The following DLG2 variants were observed in gnomAD, a reference collection of about 807,000 sequenced individuals.
The protein encoded by DLG2 is disks large homolog 2.
A neutral mutation model predicts 132.5 loss-of-function variants in DLG2; 45 were observed. The ratio of observed to expected loss-of-function variants is 0.34; its 90% CI spans 0.27 to 0.44. The LOEUF is 0.44. Ranked by LOEUF, DLG2 falls within the 20% of genes least tolerant of loss-of-function variation. The probability of loss-of-function intolerance (pLI) is 1.00; values close to 1 mark genes in which losing one functional copy is unlikely to be tolerated. For synonymous variants in DLG2, 424 were observed against 419.6 expected (o/e 1.01, Z -0.13); for missense variants, 1,045 against 1,196.9 (o/e 0.87, Z 1.87).
chr11:83,745,961 AC>A, intron 18 of DLG2, among the ~76,000 whole-genome samples: 1 of 152,350 alleles, frequency 6.6e-6, no homozygotes, highest in African/African-American at 2.4e-5. Flanking sequence ...TATGCAGCCA[AC>A]AGACACATGA....
intron 18 of DLG2, among the ~76,000 whole-genome samples, chr11:83,745,010 A>C (rs572649925): frequency 6.6e-6 from 1 of 152,318 alleles, no homozygotes; most frequent in South Asian, 2.1e-4. Context: ...GGATGCTGCA[A>C]TACTCATACC....
At chr11:85,082,294 A>G (rs1327497609) in intron 6 of DLG2, among the ~76,000 whole-genome samples, 1 of 152,194 alleles carries the variant, frequency 6.6e-6, no homozygotes, top group African/African-American at 2.4e-5. Flanking sequence ...GCTTCAGGCA[A>G]TAACAACAGA....
chr11:84,748,471 T>C (rs1408914928), intron 6 of DLG2, among the ~76,000 whole-genome samples: 1 of 152,188 alleles, frequency 6.6e-6, no homozygotes, highest in Non-Finnish European at 1.5e-5. Flanking sequence ...TTCCTTTCTC[T>C]TGAGATATGG....
chr11:84,791,170 G>A (rs2073792522), intron 6 of DLG2, among the ~76,000 whole-genome samples: 2 of 152,058 alleles, frequency 1.3e-5, no homozygotes, highest in Admixed American at 6.6e-5. Flanking sequence ...TCACTATCCG[G>A]ATAACAGCAT....
chr11:83,811,040 T>C (rs1489991092), intron 17 of DLG2, among the ~76,000 whole-genome samples: 1 of 152,016 alleles, frequency 6.6e-6, no homozygotes, highest in Non-Finnish European at 1.5e-5. Flanking sequence ...ATCTCTGAGG[T>C]AGTGTAATAG....
rs563307854 is a variant in DLG2 at position 83,987,822 on chromosome 11, T to C, written c.920-7180A>G. On this transcript the variant is annotated intron_variant, in intron 11 of 27. Coordinates refer to ENST00000376104, the MANE Select transcript of DLG2 (RefSeq NM_001142699.3). Reference sequence around the variant, plus strand: ...TTTTGACTTTTTAATAATAGCCATCTCTCTGGTGTGAGGTGATATCTCATT... The same window carrying C: ...TTTTGACTTTTTAATAATAGCCATCCCTCTGGTGTGAGGTGATATCTCATT... Among the ~76,000 whole-genome samples the C allele has an allele frequency of 2.3e-4, 35 of 152,254 alleles. No homozygotes were observed. The Middle Eastern group carries it at 0.024, about 104-fold the overall frequency.
chr11:85,434,949 A>G (rs1392288703), intron 3 of DLG2, among the ~76,000 whole-genome samples: 4 of 152,230 alleles, frequency 2.6e-5, no homozygotes, highest in Non-Finnish European at 5.9e-5. Flanking sequence ...CGAATCCAGC[A>G]GCAAATCAAA....
intron 8 of DLG2, among the ~76,000 whole-genome samples, chr11:84,164,709 T>C (rs1293445432): frequency 6.6e-6 from 1 of 152,236 alleles, no homozygotes; most frequent in Non-Finnish European, 1.5e-5. Context: ...TATCATCACC[T>C]AAAGGTGTAA....
intron 6 of DLG2, among the ~76,000 whole-genome samples, chr11:84,649,868 C>T (rs745724499): frequency 6.6e-6 from 1 of 152,184 alleles, no homozygotes; most frequent in Non-Finnish European, 1.5e-5. Flanking sequence ...TCCATCAACA[C>T]ATCTCCAAAC....
rs1474445909 is a variant in DLG2, at chr11:83,532,798, G to T, written c.2118-15C>A. ...TTCTTTCCACCCTAAAGCAAATTGAGAATAAAGAGTCTCTCACGTGACAAG... is the reference window on the plus strand; with the variant it reads ...TTCTTTCCACCCTAAAGCAAATTGATAATAAAGAGTCTCTCACGTGACAAG... On this transcript the variant is annotated splice_polypyrimidine_tract_variant and intron_variant, in intron 20 of 27. Transcript: ENST00000376104. The T allele has an allele frequency of 5.0e-6, 8 of 1,608,226 alleles. No homozygotes were observed. In the Middle Eastern group the frequency reaches 9.9e-4, roughly 199 times the overall value.
intron 10 of DLG2, among the ~76,000 whole-genome samples, chr11:84,093,236 G>A (rs1447464483): frequency 6.6e-6 from 1 of 152,016 alleles, no homozygotes; most frequent in Non-Finnish European, 1.5e-5. Context: ...CAAGGTTCAG[G>A]GTCTTCTTCC....
chr11:84,502,411 T>C (rs535500508), intron 7 of DLG2, among the ~76,000 whole-genome samples: 5 of 128,074 alleles, frequency 3.9e-5, no homozygotes, highest in African/African-American at 5.7e-5. Flanking sequence ...TCTTTCTTTC[T>C]TTCTATACAG....
intron 6 of DLG2, among the ~76,000 whole-genome samples, chr11:85,107,066 A>T (rs1258291394): frequency 6.6e-6 from 1 of 152,048 alleles, no homozygotes; most frequent in Admixed American, 6.6e-5. Flanking sequence ...GAGTTGACAT[A>T]TTCAGAATTC....
intron 5 of DLG2, among the ~76,000 whole-genome samples, chr11:85,139,668 A>C (rs1194741342): frequency 1.3e-5 from 2 of 152,022 alleles, no homozygotes; most frequent in Admixed American, 1.3e-4. Flanking sequence ...ATTTAGCATG[A>C]ATCCCATATA....
intron 15 of DLG2, among the ~76,000 whole-genome samples, chr11:83,883,117 C>T (rs1490334213): frequency 2.0e-5 from 3 of 152,162 alleles, no homozygotes; most frequent in South Asian, 2.1e-4. Context: ...ATCATTAGTA[C>T]AATCTTACAC....
At chr11:84,602,021 C>A (rs1263676529) in intron 6 of DLG2, among the ~76,000 whole-genome samples, 1 of 151,768 alleles carries the variant, frequency 6.6e-6, no homozygotes, top group Non-Finnish European at 1.5e-5. Flanking sequence ...TTTCAGAGGT[C>A]CATCAGATAA....
At chr11:84,389,268 C>T (rs1251236515) in intron 7 of DLG2, among the ~76,000 whole-genome samples, 1 of 151,966 alleles carries the variant, frequency 6.6e-6, no homozygotes, top group Non-Finnish European at 1.5e-5. Context: ...GGGTACTTTG[C>T]ACAGCCTTGT....
chr11:84,144,767 G>A (rs1238717451), intron 9 of DLG2, among the ~76,000 whole-genome samples: 1 of 151,756 alleles, frequency 6.6e-6, no homozygotes, highest in Non-Finnish European at 1.5e-5. Flanking sequence ...AGAACTGCTG[G>A]ACAATTCTGC....
intron 6 of DLG2, among the ~76,000 whole-genome samples, chr11:85,064,009 T>C (rs2064493736): frequency 6.6e-6 from 1 of 151,776 alleles, no homozygotes; most frequent in South Asian, 2.1e-4. Flanking sequence ...AAATAAAAAA[T>C]AACACAAATA....
Sources: gnomAD v4.1 joint callset for allele counts (sites outside exome capture counted in the v4.1 genomes callset) on GRCh38, gnomAD v4.1.1 for gene constraint, MANE v1.5 for transcripts, NCBI Gene and HGNC (gene_info 2026-07-23, HGNC 2026-07-21) for gene names.